The following OAS1 variants were observed in gnomAD, a reference collection of about 807,000 sequenced individuals.
OAS1 encodes 2'-5'-oligoadenylate synthase 1.
Under a neutral mutation model 38.5 loss-of-function variants are expected in OAS1, and 24 were observed. The observed-to-expected ratio is 0.62, with a 90% CI of 0.45 to 0.88. OAS1 has a LOEUF of 0.88. Ranked by LOEUF, OAS1 falls within the 40% of genes least tolerant of loss-of-function variation. The pLI is 0.00. For synonymous variants in OAS1, 169 were observed against 193.9 expected, an observed-to-expected ratio of 0.87 and a Z score of 1.07; for missense variants, 482 against 493.9, an observed-to-expected ratio of 0.98 and a Z score of 0.23.
chr12:112,914,537 G>T (rs568258933), intron 3 of OAS1, among the ~76,000 whole-genome samples: 1 of 152,248 alleles, frequency 6.6e-6, no homozygotes, highest in South Asian at 2.1e-4. Flanking sequence ...CATAGTGGTT[G>T]TATGAGTTTA....
chr12:112,920,371 A>G (rs1321643491), downstream of OAS1, among the ~76,000 whole-genome samples: 2 of 152,238 alleles, frequency 1.3e-5, no homozygotes, highest in Non-Finnish European at 2.9e-5. Context: ...CTTGGTTTCA[A>G]AGACTTAGTA....
rs1254046547 is a variant in OAS1, at chr12:112,907,211, G to A, written c.172G>A (p.Val58Met). The change falls in exon 1 of 6, where the codon GTG becomes ATG. Residue 58 changes from valine (V) to methionine (M), a missense_variant. Val to Met is a conservative substitution (Grantham distance 21). Transcript: ENST00000202917. Reference sequence around the variant, plus strand: ...CTCCTACCCTGTGTGTGTGTCCAAGGTGGTAAAGGTGAGTCCAGGCCTGCC... The same window carrying A: ...CTCCTACCCTGTGTGTGTGTCCAAGATGGTAAAGGTGAGTCCAGGCCTGCC... ...GSSYPVCVSK[V>M]VKGGSSGKGT... 1 of 1,614,148 alleles carries A rather than the reference G, an allele frequency of 6.2e-7. No homozygotes were observed. The highest frequency in any genetic ancestry group is 1.3e-5 in the African/African-American group (1 of 75,020).
At chr12:112,918,767 G>C (rs1593163291) in intron 5 of OAS1, 1 of 375,850 alleles carries the variant, frequency 2.7e-6, no homozygotes, top group East Asian at 7.5e-5. Context: ...GAGACTCTGA[G>C]CAGCTGAGTG....
chr12:112,912,164 C>T (rs554277493), intron 3 of OAS1, among the ~76,000 whole-genome samples: 2 of 152,174 alleles, frequency 1.3e-5, no homozygotes. Context: ...ATGGCAAAAC[C>T]TCGTCTCTAC....
downstream of OAS1, among the ~76,000 whole-genome samples, chr12:112,922,724 C>T (rs2043538020): frequency 6.6e-6 from 1 of 152,206 alleles, no homozygotes; most frequent in Non-Finnish European, 1.5e-5. Flanking sequence ...ATATCCACTC[C>T]TCTTCACTGT....
chr12:112,923,617 C>G (rs1472691754), downstream of OAS1, among the ~76,000 whole-genome samples: 2 of 152,068 alleles, frequency 1.3e-5, no homozygotes, highest in African/African-American at 2.4e-5. Context: ...GAGATTAACC[C>G]TTATTAGATG....
At chr12:112,933,216 AT>A (rs1475485519), downstream of OAS1, 4 of 152,180 alleles carry the variant, frequency 2.6e-5, no homozygotes. Context: ...TTTTTTGAAA[AT>A]CATAAGTGTC....
In OAS1 at chr12:112,916,585, G is replaced by A. The variant is rs2043460963; in HGVS notation, c.731G>A (p.Ser244Asn). The change falls in exon 4 of 6, where the codon AGC (serine) becomes AAC (asparagine). Residue 244 changes from serine (S) to asparagine (N), a missense_variant. Coordinates refer to ENST00000202917, the MANE Select transcript of OAS1 (RefSeq NM_016816.4). Reference protein sequence around the residue: ...LLTVYAWERGSMKTHFNTAQG... With the variant: ...LLTVYAWERGNMKTHFNTAQG... The stretch of plus-strand genomic sequence containing the variant: ...ACGGTCTATGCTTGGGAGCGAGGGA[G>A]CATGAAAACACATTTCAACACAGCC... The A allele has an allele frequency of 2.5e-6, 4 of 1,614,050 alleles. No homozygotes were observed. Among genetic ancestry groups the A allele is most frequent in the African/African-American group, 1.3e-5 (1 of 74,900 alleles).
Position 112,908,741 on chromosome 12 carries a change from C to T in OAS1, c.386C>T (p.Pro129Leu). 6.2e-7 allele frequency: 1 copy of T among 1,614,120 alleles called. No homozygotes were observed. The highest frequency in any genetic ancestry group is 8.5e-7 in the Non-Finnish European group (1 of 1,180,014). ...GTCCAGGCTCCACGCTGGGGCAACC[C>T]CCGTGCGCTCAGCTTCGTACTGAGT... The part of the protein sequence containing the change: ...FEVQAPRWGN[P>L]RALSFVLSSL... Residue 129 changes from proline (P) to leucine (L), a missense_variant, in exon 2 of 6, where the codon CCC becomes CTC. By Grantham distance (98) the Pro-to-Leu change is moderately conservative. Transcript: ENST00000202917.
intron 6 of OAS1, among the ~76,000 whole-genome samples, chr12:112,930,300 T>A (rs2043589857): frequency 6.6e-6 from 1 of 152,232 alleles, no homozygotes; most frequent in Non-Finnish European, 1.5e-5. Context: ...TCTTTTTCTT[T>A]ATAAATTACC....
chr12:112,917,593 G>A lies in OAS1; in HGVS notation c.931G>A (p.Gly311Arg), dbSNP rs1305491513. The change falls in exon 5 of 6, where the codon GGA becomes AGA. Residue 311 changes from glycine (G) to arginine (R), a missense_variant. Coordinates refer to ENST00000202917, the MANE Select transcript of OAS1 (RefSeq NM_016816.4). ...GGACCCTACAGGAAACTTGGGTGGT[G>A]GAGACCCAAAGGGTTGGAGGCAGCT... ...PADPTGNLGGGDPKGWRQLAQ... is the reference protein window; with the variant it reads ...PADPTGNLGGRDPKGWRQLAQ... The A allele has an allele frequency of 6.2e-7, 1 of 1,614,216 alleles. No homozygotes were observed. Among genetic ancestry groups the A allele is most frequent in the Non-Finnish European group, 8.5e-7 (1 of 1,180,038 alleles).
intron 2 of OAS1, among the ~76,000 whole-genome samples, chr12:112,910,536 G>C (rs2043361955): frequency 6.6e-6 from 1 of 152,016 alleles, no homozygotes; most frequent in Non-Finnish European, 1.5e-5. Flanking sequence ...GCCTTGGGGA[G>C]ATCTGGAGGT....
chr12:112,909,096 T>C, intron 2 of OAS1: 1 of 421,230 alleles, frequency 2.4e-6, no homozygotes, highest in Non-Finnish European at 4.2e-6. Flanking sequence ...GTGAATTTTA[T>C]CTTTCTAAAA....
chr12:112,922,076 C>T (rs941735207), downstream of OAS1, among the ~76,000 whole-genome samples: 10 of 152,152 alleles, frequency 6.6e-5, no homozygotes, highest in East Asian at 1.9e-4. Context: ...AATCTGATGA[C>T]GCTTTTCGTT....
rs869090617 is a variant in OAS1, at chr12:112,931,909, AT to A, written c.1200del (p.Tyr400Ter). The A allele has an allele frequency of 1.6e-6, 1 of 615,960 alleles. No homozygotes were observed. The highest frequency in any genetic ancestry group is 4.7e-5 in the African/African-American group (1 of 21,342). 38.2% of individuals were successfully genotyped at this position (615,960 alleles called of 1,614,324 possible). ...CTCACACTGGTTGGCAGAAGGAACTATACCAATAATTAGTGAACATGCGGTG... is the reference window on the plus strand; with the variant it reads ...CTCACACTGGTTGGCAGAAGGAACTAACCAATAATTAGTGAACATGCGGTG... On this transcript the variant is annotated frameshift_variant, in exon 7 of 7. Transcript: ENST00000540589. LOFTEE classifies it high-confidence loss of function.
At chr12:112,916,353 A>G (rs1298100467) in intron 3 of OAS1, among the ~76,000 whole-genome samples, 156 bp from the exon 4 acceptor site, 2 of 152,262 alleles carry the variant, frequency 1.3e-5, no homozygotes, top group African/African-American at 4.8e-5. Context: ...TGTAGCATGA[A>G]TGCAGTCATA....
chr12:112,907,109 AC>A lies in OAS1; in HGVS notation c.71del (p.Thr24SerfsTer18), dbSNP rs1565956912. The A allele has an allele frequency of 1.2e-6, 2 of 1,614,232 alleles. No individual in the cohort carries two copies. The highest frequency in any genetic ancestry group is 1.1e-5 in the South Asian group (1 of 91,082). On this transcript the variant is annotated frameshift_variant, in exon 1 of 6. Transcript: ENST00000202917. LOFTEE classifies it high-confidence loss of function. Reference protein sequence around the residue: ...KFIEDYLLPDTCFRMQINHAI... With the variant: ...KFIEDYLLPDXCFRMQINHAI... ...CATTGAAGACTATCTCTTGCCAGAC[AC>A]GTGTTTCCGCATGCAAATCAACCAT...
intron 3 of OAS1, among the ~76,000 whole-genome samples, chr12:112,913,855 C>A (rs541647119): frequency 1.3e-5 from 2 of 152,292 alleles, no homozygotes; most frequent in East Asian, 3.9e-4. Flanking sequence ...CACACAGATT[C>A]ATGTGTATAC....
At chr12:112,910,620 AAGTC>A (rs1233797868) in intron 2 of OAS1, among the ~76,000 whole-genome samples, 1 of 152,034 alleles carries the variant, frequency 6.6e-6, no homozygotes, top group Non-Finnish European at 1.5e-5. Flanking sequence ...AAGAGAGAAA[AAGTC>A]AGAGAAGTAG....
Sources: gnomAD v4.1 joint callset for allele counts (sites outside exome capture counted in the v4.1 genomes callset) on GRCh38, gnomAD v4.1.1 for gene constraint, MANE v1.5 for transcripts, NCBI Gene and HGNC (gene_info 2026-07-23, HGNC 2026-07-21) for gene names.